The following TMPRSS11F variants were observed in gnomAD, a reference collection of about 807,000 sequenced individuals.
TMPRSS11F encodes the protein transmembrane protease serine 11F.
In TMPRSS11F, 47 loss-of-function variants were observed where a neutral mutation model predicts 60.2. The ratio of observed to expected loss-of-function variants is 0.78; its 90% CI spans 0.62 to 1.00. TMPRSS11F has a LOEUF of 1.00. Ranked by LOEUF, TMPRSS11F falls within the 50% of genes least tolerant of loss-of-function variation. The pLI is 0.00. For synonymous variants in TMPRSS11F, 166 were observed against 167.3 expected, an observed-to-expected ratio of 0.99 and a Z score of 0.06; for missense variants, 519 against 522.9, an observed-to-expected ratio of 0.99 and a Z score of 0.07.
At chr4:68,107,895 C>T (rs907961048) in intron 1 of TMPRSS11F, among the ~76,000 whole-genome samples, 1 of 152,112 alleles carries the variant, frequency 6.6e-6, no homozygotes, top group Non-Finnish European at 1.5e-5. Context: ...TGAGATTGTG[C>T]CGCTGCACTC....
intron 7 of TMPRSS11F, among the ~76,000 whole-genome samples, chr4:68,067,361 A>G (rs1033942742): frequency 1.3e-5 from 2 of 152,222 alleles, no homozygotes; most frequent in African/African-American, 2.4e-5. Flanking sequence ...ATCAAGCTCA[A>G]TGGGCAATTC....
At chr4:68,100,743 CT>C (rs1172874599) in intron 1 of TMPRSS11F, among the ~76,000 whole-genome samples, 2 of 152,086 alleles carry the variant, frequency 1.3e-5, no homozygotes, top group Non-Finnish European at 2.9e-5. Context: ...TACGGCCTTT[CT>C]CTTTGACTTA....
rs190185197 is a variant in TMPRSS11F at position 68,096,832 on chromosome 4, T to C, written c.163+2055A>G. Among the ~76,000 whole-genome samples the C allele has an allele frequency of 2.0e-5, 3 of 152,338 alleles. No homozygotes were observed. The East Asian group carries it at 5.8e-4, about 29-fold the overall frequency. On this transcript the variant is annotated intron_variant, in intron 2 of 9. Coordinates refer to ENST00000356291, the MANE Select transcript of TMPRSS11F (RefSeq NM_207407.2). ...TTCTATTGTGATTATTTTACAATTA[T>C]TGATAATTTTTACTCCACTGTCTTT...
chr4:68,112,395 A>C (rs918896472), intron 1 of TMPRSS11F, among the ~76,000 whole-genome samples: 1 of 152,126 alleles, frequency 6.6e-6, no homozygotes, highest in African/African-American at 2.4e-5. Flanking sequence ...GTTAAAAGTG[A>C]CATCATTTTA....
At chr4:68,124,950 T>TTTTTC (rs1236561391) in intron 1 of TMPRSS11F, among the ~76,000 whole-genome samples, 2 of 147,970 alleles carry the variant, frequency 1.4e-5, no homozygotes, top group African/African-American at 4.9e-5. Context: ...CCAGCATTTT[T>TTTTTC]TTTTTTTTTT....
rs1375311007 is a variant in TMPRSS11F at position 68,072,224 on chromosome 4, AAAAAAAATATATATAT to A, written c.514+83_514+98del. 2.2e-4 allele frequency: 9 copies of A among 40,406 alleles called. 1 individual carries two copies. The East Asian group carries it at 7.9e-3, about 35-fold the overall frequency. The allele number at this position is 40,406 out of a possible 1,614,324, so 2.5% of individuals were successfully genotyped here. A position where few individuals can be genotyped will look rare whatever the true frequency, so the allele number is the denominator to read the frequency against. On this transcript the variant is annotated intron_variant, in intron 5 of 9. Coordinates refer to ENST00000356291, the MANE Select transcript of TMPRSS11F (RefSeq NM_207407.2). ...TTATATATATATATATATCTTCCAAAAAAAAAATATATATATATATATATATTGCTTACAAAAATTA... is the reference window on the plus strand; with the variant it reads ...TTATATATATATATATATCTTCCAAAATATATATATTGCTTACAAAAATTA...
At chr4:68,056,201 A>G (rs1282499914) in intron 9 of TMPRSS11F, among the ~76,000 whole-genome samples, 1 of 152,214 alleles carries the variant, frequency 6.6e-6, no homozygotes, top group Non-Finnish European at 1.5e-5. Flanking sequence ...AGAAAGAAAT[A>G]GAAGACATTC....
chr4:68,127,385 T>C (rs914961127), intron 1 of TMPRSS11F, among the ~76,000 whole-genome samples: 1 of 152,160 alleles, frequency 6.6e-6, no homozygotes, highest in Middle Eastern at 3.2e-3. Context: ...GCCATCAGAA[T>C]GTGGCTTATT....
At chr4:68,084,293 C>T (rs1204251132) in intron 3 of TMPRSS11F, among the ~76,000 whole-genome samples, 2 of 152,076 alleles carry the variant, frequency 1.3e-5, no homozygotes, top group Non-Finnish European at 2.9e-5. Context: ...GAGAAGTTGA[C>T]ATGCAAATTC....
chr4:68,128,491 A>G (rs1197876900), intron 1 of TMPRSS11F, among the ~76,000 whole-genome samples: 2 of 151,756 alleles, frequency 1.3e-5, no homozygotes, highest in Non-Finnish European at 2.9e-5. Context: ...CGAGGCTTCA[A>G]TATAGAAATT....
Position 68,075,095 on chromosome 4 carries a change from A to G in TMPRSS11F, c.283-1086T>C, listed in dbSNP as rs115268346. On this transcript the variant is annotated intron_variant, in intron 3 of 9. Coordinates refer to ENST00000356291, the MANE Select transcript of TMPRSS11F (RefSeq NM_207407.2). ...ATTTCCATGGTAAATTTTGCCCCCA[A>G]TTTCTACATCCTGTCAGAGTAGGGA... Among the ~76,000 whole-genome samples, 917 of 152,284 alleles carry G rather than the reference A, an allele frequency of 6.0e-3. 13 individuals carry two copies. Among genetic ancestry groups the G allele is most frequent in the African/African-American group, 0.022 (894 of 41,566 alleles).
chr4:68,069,886 A>T, intron 6 of TMPRSS11F, 83 bp downstream of exon 6: 2 of 1,181,844 alleles, frequency 1.7e-6, no homozygotes, highest in Non-Finnish European at 2.4e-6. Context: ...AAGCTTGGTA[A>T]ACTTTACTGC....
At chr4:68,099,699 T>C (rs1724150230) in intron 1 of TMPRSS11F, among the ~76,000 whole-genome samples, 1 of 152,200 alleles carries the variant, frequency 6.6e-6, no homozygotes, top group African/African-American at 2.4e-5. Flanking sequence ...AATGACTTTA[T>C]GCTTTTCTCT....
At chr4:68,072,226 A>ATATATATATATATATATATTAC (rs61224244) in intron 5 of TMPRSS11F, 97 bp downstream of exon 5, 1 of 79,248 alleles carries the variant, frequency 1.3e-5, no homozygotes, top group African/African-American at 4.6e-5. Flanking sequence ...TCTTCCAAAA[A>ATATATATATATATATATATTAC]AAAAATATAT....
intron 2 of TMPRSS11F, among the ~76,000 whole-genome samples, chr4:68,091,838 G>A (rs1165193832): frequency 2.0e-5 from 3 of 151,176 alleles, no homozygotes; most frequent in Non-Finnish European, 2.9e-5. Context: ...CCAGGCTGGA[G>A]TGCAGTGACA....
At chr4:68,069,884 TA>T in intron 6 of TMPRSS11F, 84 bp downstream of exon 6, 1 of 1,151,964 alleles carries the variant, frequency 8.7e-7, no homozygotes, top group East Asian at 2.6e-5. Flanking sequence ...AAAAGCTTGG[TA>T]AACTTTACTG....
Position 68,099,053 on chromosome 4 carries a change from A to G in TMPRSS11F, c.12-15T>C. On this transcript the variant is annotated splice_polypyrimidine_tract_variant and intron_variant, in intron 1 of 9. Transcript: ENST00000356291. ...ATTCAACAGGTCTGTGATAACAGAA[A>G]GAAAATAGAGACAATAAAAATTCAT... 1.3e-6 allele frequency: 2 copies of G among 1,593,350 alleles called. No homozygotes were observed. The highest frequency in any genetic ancestry group is 1.4e-5 in the African/African-American group (1 of 73,872).
chr4:68,105,453 T>C (rs992862884), intron 1 of TMPRSS11F, among the ~76,000 whole-genome samples: 1 of 152,154 alleles, frequency 6.6e-6, no homozygotes, highest in Admixed American at 6.5e-5. Context: ...AATTCTGGCT[T>C]TGCTACTATC....
intron 3 of TMPRSS11F, among the ~76,000 whole-genome samples, chr4:68,087,083 A>C (rs1207005196): frequency 6.6e-6 from 1 of 152,170 alleles, no homozygotes; most frequent in Non-Finnish European, 1.5e-5. Flanking sequence ...AGAAAATATC[A>C]GGCCAATACT....
Sources: allele counts gnomAD v4.1 joint callset (sites outside exome capture counted in the v4.1 genomes callset), GRCh38; gene constraint gnomAD v4.1.1; transcripts MANE v1.5; gene names NCBI Gene and HGNC (gene_info 2026-07-23, HGNC 2026-07-21).